UHRF2: variants seen among roughly 807,000 people sequenced by gnomAD.
UHRF2 encodes the protein ubiquitin like with PHD and ring finger domains 2, also known as E3 ubiquitin-protein ligase UHRF2.
In UHRF2, 23 loss-of-function variants were observed where a neutral mutation model predicts 96.8. The ratio of observed to expected loss-of-function variants is 0.24; its 90% CI spans 0.17 to 0.34. The LOEUF is 0.34. Ranked by LOEUF, UHRF2 falls within the 10% of genes least tolerant of loss-of-function variation. The probability of loss-of-function intolerance (pLI) is 1.00; values close to 1 mark genes in which losing one functional copy is unlikely to be tolerated. For missense variants in UHRF2, 685 were observed against 981.5 expected (o/e 0.70, Z 4.04); for synonymous variants, 385 against 332.6 (o/e 1.16, Z -1.72).
At chr9:6,416,066 T>A (rs1819581299) in intron 1 of UHRF2, among the ~76,000 whole-genome samples, 1 of 152,050 alleles carries the variant, frequency 6.6e-6, no homozygotes, top group Admixed American at 6.6e-5. Flanking sequence ...ACTTTTTTTG[T>A]TGTTGTTTTT....
Position 6,460,567 on chromosome 9 carries a change from C to T in UHRF2, c.645-6C>T. ...TCATAAGCCATATGGTTTTCTCTCT[C>T]CTCAGATACCCAGAAAGCGGTACTC... On this transcript the variant is annotated splice_region_variant and splice_polypyrimidine_tract_variant and intron_variant, in intron 3 of 15. Coordinates refer to ENST00000276893, the MANE Select transcript of UHRF2 (RefSeq NM_152896.3). 2 of 1,594,826 alleles carry T rather than the reference C, an allele frequency of 1.3e-6. No homozygotes were observed. The highest frequency in any genetic ancestry group is 8.6e-7 in the Non-Finnish European group (1 of 1,167,766).
intron 1 of UHRF2, chr9:6,415,324 C>T (rs1283028416): frequency 1.3e-5 from 2 of 152,328 alleles, no homozygotes; most frequent in South Asian, 2.1e-4. Context: ...TAATTCACTA[C>T]TTGGGTTTCT....
At chr9:6,457,508 T>C (rs1178969768) in intron 3 of UHRF2, among the ~76,000 whole-genome samples, 1 of 152,202 alleles carries the variant, frequency 6.6e-6, no homozygotes, top group Non-Finnish European at 1.5e-5. Flanking sequence ...TTCTTTCTCC[T>C]GCCTGATTGC....
chr9:6,459,900 G>T (rs937620362), intron 3 of UHRF2, among the ~76,000 whole-genome samples: 4 of 152,220 alleles, frequency 2.6e-5, no homozygotes, highest in African/African-American at 9.6e-5. Flanking sequence ...TTGAGCCCAG[G>T]AGTTTGAGGC....
chr9:6,450,784 T>G (rs956552863), intron 3 of UHRF2, among the ~76,000 whole-genome samples: 1 of 152,200 alleles, frequency 6.6e-6, no homozygotes, highest in Non-Finnish European at 1.5e-5. Context: ...GACATAATAG[T>G]TTTTGAATGT....
intron 3 of UHRF2, among the ~76,000 whole-genome samples, chr9:6,456,322 C>T (rs970575752): frequency 6.6e-6 from 1 of 152,132 alleles, no homozygotes; most frequent in African/African-American, 2.4e-5. Flanking sequence ...TTGTTGGCCG[C>T]ATAAATGTCT....
chr9:6,459,750 G>T (rs566885260), intron 3 of UHRF2, among the ~76,000 whole-genome samples: 1 of 152,352 alleles, frequency 6.6e-6, no homozygotes, highest in South Asian at 2.1e-4. Context: ...AAGGCAGGGG[G>T]TTGCTTGAGG....
At chr9:6,483,247 C>T (rs866107206) in intron 8 of UHRF2, among the ~76,000 whole-genome samples, 5 of 151,172 alleles carry the variant, frequency 3.3e-5, no homozygotes, top group African/African-American at 9.8e-5. Flanking sequence ...ATTGCTTGAA[C>T]CCAGGAGGCA....
intron 10 of UHRF2, chr9:6,494,718 G>A (rs1319120846): frequency 6.6e-6 from 1 of 152,084 alleles, no homozygotes; most frequent in Non-Finnish European, 1.5e-5. Flanking sequence ...CTGTTACTAA[G>A]GGTATTTTGT....
At chr9:6,433,297 G>C (rs1028582814) in intron 2 of UHRF2, among the ~76,000 whole-genome samples, 1 of 152,082 alleles carries the variant, frequency 6.6e-6, no homozygotes, top group Non-Finnish European at 1.5e-5. Context: ...TCCATTTTGT[G>C]TCTTACGCCC....
chr9:6,436,216 A>T (rs1480085064), intron 3 of UHRF2, among the ~76,000 whole-genome samples: 1 of 152,152 alleles, frequency 6.6e-6, no homozygotes. Flanking sequence ...GATTTCCAGG[A>T]TATCTGGAAA....
intron 2 of UHRF2, among the ~76,000 whole-genome samples, chr9:6,431,196 A>G (rs940525042): frequency 1.3e-5 from 2 of 152,160 alleles, no homozygotes; most frequent in African/African-American, 4.8e-5. Context: ...ATGTCTATCC[A>G]ATGTGCAGAA....
In UHRF2 at chr9:6,506,783, ATGAATG is replaced by A. The variant is rs1202068647; in HGVS notation, c.*605_*610del. On this transcript the variant is annotated 3_prime_UTR_variant, in exon 16 of 16. Transcript: ENST00000276893. ...CTACTAATGACTAATGAGAACAATA[ATGAATG>A]CATTGTTGCTGCATTAGTGTAATGT... The A allele has an allele frequency of 6.5e-6, 1 of 152,716 alleles. No individual in the cohort carries two copies. Among genetic ancestry groups the A allele is most frequent in the Non-Finnish European group, 1.5e-5 (1 of 68,078 alleles). The allele number at this position is 152,716 out of a possible 1,614,324, so 9.5% of individuals were successfully genotyped here. A position where few individuals can be genotyped will look rare whatever the true frequency, so the allele number is the denominator to read the frequency against.
chr9:6,470,839 G>A (rs1823202174), intron 4 of UHRF2, among the ~76,000 whole-genome samples: 1 of 152,032 alleles, frequency 6.6e-6, no homozygotes, highest in Admixed American at 6.6e-5. Flanking sequence ...ATAAATATTA[G>A]TCTAATCCAA....
chr9:6,450,019 A>G (rs956287058), intron 3 of UHRF2, among the ~76,000 whole-genome samples: 1 of 151,882 alleles, frequency 6.6e-6, no homozygotes, highest in African/African-American at 2.4e-5. Flanking sequence ...GACTGTATTA[A>G]CTCAGCCATG....
At chr9:6,454,239 C>G (rs201884765) in intron 3 of UHRF2, among the ~76,000 whole-genome samples, 7 of 152,170 alleles carry the variant, frequency 4.6e-5, no homozygotes, top group Non-Finnish European at 8.8e-5. Flanking sequence ...AATTGGGAAT[C>G]TAAACCTAGG....
chr9:6,455,289 T>G (rs1425557698), intron 3 of UHRF2, among the ~76,000 whole-genome samples: 1 of 152,070 alleles, frequency 6.6e-6, no homozygotes, highest in Non-Finnish European at 1.5e-5. Flanking sequence ...CCCTCCCCCC[T>G]CTCTCCACCC....
chr9:6,476,417 C>G (rs1419297810), intron 5 of UHRF2, among the ~76,000 whole-genome samples: 1 of 152,006 alleles, frequency 6.6e-6, no homozygotes, highest in Non-Finnish European at 1.5e-5. Flanking sequence ...AATTATAGTG[C>G]TGATTGAGCC....
At chr9:6,444,574 G>A (rs549205436) in intron 3 of UHRF2, among the ~76,000 whole-genome samples, 1 of 152,228 alleles carries the variant, frequency 6.6e-6, no homozygotes, top group South Asian at 2.1e-4. Flanking sequence ...CTTCCTCATT[G>A]TGTGGGCCTT....
Sources: gnomAD v4.1 joint callset for allele counts (sites outside exome capture counted in the v4.1 genomes callset) on GRCh38, gnomAD v4.1.1 for gene constraint, MANE v1.5 for transcripts, NCBI Gene and HGNC (gene_info 2026-07-23, HGNC 2026-07-21) for gene names.